Variants in EPHX1 observed in about 807,000 individuals in gnomAD.
EPHX1 encodes epoxide hydrolase 1.
In EPHX1, 40 loss-of-function variants were observed where a neutral mutation model predicts 43.2. The observed-to-expected ratio is 0.93, with a 90% CI of 0.72 to 1.21. The LOEUF (loss-of-function observed/expected upper bound fraction) is 1.21, where lower values mean the gene tolerates loss of function less well. Among genes scored for constraint, EPHX1 ranks in the 50% most tolerant of loss-of-function variants. The probability of loss-of-function intolerance (pLI) is 0.00; values close to 1 mark genes in which losing one functional copy is unlikely to be tolerated. For missense variants in EPHX1, 550 were observed against 570.4 expected, an observed-to-expected ratio of 0.96 and a Z score of 0.36; for synonymous variants, 221 against 226.7, an observed-to-expected ratio of 0.98 and a Z score of 0.22.
chr1:225,821,244 TACCTTTTC>T (rs1329168411), intron 1 of EPHX1, among the ~76,000 whole-genome samples: 2 of 152,112 alleles, frequency 1.3e-5, no homozygotes, highest in Non-Finnish European at 1.5e-5. Flanking sequence ...TAAACTGATC[TACCTTTTC>T]TTTTTTTTTT....
At chr1:225,835,591 G>A (rs927570173) in intron 3 of EPHX1, among the ~76,000 whole-genome samples, 9 of 151,526 alleles carry the variant, frequency 5.9e-5, no homozygotes, top group African/African-American at 9.7e-5. Flanking sequence ...GGGTTTCACC[G>A]TGTTAGCCAG....
intron 3 of EPHX1, among the ~76,000 whole-genome samples, chr1:225,837,238 A>C (rs902820032): frequency 2.6e-5 from 4 of 152,268 alleles, no homozygotes; most frequent in Non-Finnish European, 4.4e-5. Context: ...TACAGTAAAC[A>C]TGTATTATTT....
chr1:225,831,732 C>G, intron 2 of EPHX1, 47 bp from the exon 3 acceptor site: 5 of 1,596,078 alleles, frequency 3.1e-6, no homozygotes, highest in Non-Finnish European at 4.3e-6. Context: ...CTCTTGTGCT[C>G]TGTCCTTCCC....
Position 225,817,620 on chromosome 1 carries a change from CCT to C in EPHX1, c.-6+7456_-6+7457del, listed in dbSNP as rs1243596834. On this transcript the variant is annotated intron_variant, in intron 1 of 8. Coordinates refer to ENST00000272167, the MANE Select transcript of EPHX1 (RefSeq NM_001136018.4). This position sits in a 1 kb window ranked among gnomAD's most constrained non-coding sequence, Gnocchi z 5.7. ...GGTCATGCCATAGTTTTTCCCTTACCCTCTCTGCCCCCACACTTTCCTCCCCA... is the reference window on the plus strand; with the variant it reads ...GGTCATGCCATAGTTTTTCCCTTACCCTCTGCCCCCACACTTTCCTCCCCA... Among the ~76,000 whole-genome samples, 1 of 152,166 alleles carries C rather than the reference CCT, an allele frequency of 6.6e-6. No individual in the cohort carries two copies. Among genetic ancestry groups the C allele is most frequent in the East Asian group, 1.9e-4 (1 of 5,194 alleles).
In EPHX1 at chr1:225,826,344, A is replaced by T. The variant is rs1040885915; in HGVS notation, c.-5-2381A>T. Among the ~76,000 whole-genome samples, 5 of 150,830 alleles carry T rather than the reference A, an allele frequency of 3.3e-5. No individual in the cohort carries two copies. The East Asian group carries it at 9.9e-4, about 30-fold the overall frequency. On this transcript the variant is annotated intron_variant, in intron 1 of 8. Coordinates refer to ENST00000272167, the MANE Select transcript of EPHX1 (RefSeq NM_001136018.4). ...CAGGAGGTGGTGGTATGCACCTGTA[A>T]TCACAGCTACTCAGGAGTCTGAGGC...
At chr1:225,831,504 G>A (rs1477190183) in intron 2 of EPHX1, among the ~76,000 whole-genome samples, 2 of 150,834 alleles carry the variant, frequency 1.3e-5, no homozygotes, top group African/African-American at 4.9e-5. Flanking sequence ...CCGAGATCAC[G>A]CCACTGCCCT....
chr1:225,828,959 G>A (rs779582765), intron 2 of EPHX1, 47 bp downstream of exon 2: 14 of 1,549,808 alleles, frequency 9.0e-6, no homozygotes, highest in Middle Eastern at 2.1e-4. Context: ...AGAGGGTGGT[G>A]TGTCGAAGAC....
intron 1 of EPHX1, among the ~76,000 whole-genome samples, chr1:225,813,640 A>T (rs1666587635): frequency 1.3e-5 from 2 of 152,196 alleles, no homozygotes; most frequent in South Asian, 4.1e-4. Context: ...TTCCCAGGGG[A>T]AGTCATAGTT....
chr1:225,821,754 G>A (rs745417605), intron 1 of EPHX1, among the ~76,000 whole-genome samples: 1 of 148,852 alleles, frequency 6.7e-6, no homozygotes, highest in Non-Finnish European at 1.5e-5. Context: ...GTGGAGATGG[G>A]GTTTTGCCAT....
chr1:225,815,421 T>TC (rs1382691030), intron 1 of EPHX1, among the ~76,000 whole-genome samples: 1 of 80,560 alleles, frequency 1.2e-5, no homozygotes, highest in African/African-American at 3.6e-5. Flanking sequence ...CTTTTTTTTT[T>TC]TTTTTTTTTT....
intron 2 of EPHX1, among the ~76,000 whole-genome samples, chr1:225,830,521 G>A (rs1667519711): frequency 6.6e-6 from 1 of 152,204 alleles, no homozygotes; most frequent in Non-Finnish European, 1.5e-5. Context: ...CTGGGGTGCA[G>A]TGGTGCGATC....
chr1:225,840,306 T>C (rs1386598677), intron 6 of EPHX1, among the ~76,000 whole-genome samples: 1 of 152,198 alleles, frequency 6.6e-6, no homozygotes, highest in East Asian at 1.9e-4. Context: ...CCTGAGTCTA[T>C]ATCCTACACT....
At chr1:225,824,755 G>C (rs1667148960) in intron 1 of EPHX1, among the ~76,000 whole-genome samples, 1 of 152,226 alleles carries the variant, frequency 6.6e-6, no homozygotes, top group Non-Finnish European at 1.5e-5. Context: ...GCTGGTGGAA[G>C]TGAATATTGC....
intron 1 of EPHX1, 104 bp from the exon 2 acceptor site, chr1:225,828,621 G>T: frequency 9.6e-7 from 1 of 1,038,486 alleles, no homozygotes. Flanking sequence ...TCAGGGACAG[G>T]GTTGGAGCGC....
intron 6 of EPHX1, chr1:225,840,738 C>A (rs1310347728): frequency 1.3e-5 from 2 of 155,132 alleles, no homozygotes; most frequent in Admixed American, 6.2e-5. Context: ...AAAGATGGGA[C>A]CCCTGTAGCA....
chr1:225,831,503 C>CT (rs1559020940), intron 2 of EPHX1, among the ~76,000 whole-genome samples: 2 of 150,980 alleles, frequency 1.3e-5, no homozygotes, highest in Non-Finnish European at 2.9e-5. Flanking sequence ...GCCGAGATCA[C>CT]GCCACTGCCC....
At chr1:225,843,265 G>A (rs1668585932) in intron 7 of EPHX1, among the ~76,000 whole-genome samples, 1 of 152,202 alleles carries the variant, frequency 6.6e-6, no homozygotes, top group Admixed American at 6.5e-5. Flanking sequence ...TATCTGATTT[G>A]GGCCTTGGAG....
chr1:225,831,990 A>T (rs1339033243), intron 3 of EPHX1, 31 bp downstream of exon 3: 1 of 1,606,756 alleles, frequency 6.2e-7, no homozygotes, highest in Non-Finnish European at 8.5e-7. Flanking sequence ...CCAGAGAGGG[A>T]TGTATGTCAT....
chr1:225,843,996 G>A (rs1286191243), intron 7 of EPHX1, among the ~76,000 whole-genome samples: 2 of 152,198 alleles, frequency 1.3e-5, no homozygotes, highest in Non-Finnish European at 2.9e-5. Context: ...GGAAGGTGGG[G>A]TGGGGGCTGT....
Sources: gnomAD v4.1 joint callset for allele counts (sites outside exome capture counted in the v4.1 genomes callset) on GRCh38, gnomAD v4.1.1 for gene constraint, Gnocchi (gnomAD v3.1) non-coding constraint, MANE v1.5 for transcripts, NCBI Gene and HGNC (gene_info 2026-07-23, HGNC 2026-07-21) for gene names.